The following DACH2 variants were observed in gnomAD, a reference collection of about 807,000 sequenced individuals.
DACH2 encodes the protein dachshund homolog 2.
A neutral mutation model predicts 35.8 loss-of-function variants in DACH2; 17 were observed. That is an observed-to-expected ratio of 0.48 (90% confidence interval 0.33 to 0.71). The LOEUF (loss-of-function observed/expected upper bound fraction) is 0.71, where lower values mean the gene tolerates loss of function less well. Among genes scored for constraint, DACH2 ranks in the 30% least tolerant of loss-of-function variants. The probability of loss-of-function intolerance (pLI) is 0.02; values close to 1 mark genes in which losing one functional copy is unlikely to be tolerated. For synonymous variants in DACH2, 195 were observed against 177.3 expected (o/e 1.10, Z -0.79); for missense variants, 469 against 472.7 (o/e 0.99, Z 0.07).
intron 2 of DACH2, among the ~76,000 whole-genome samples, chrX:86,463,396 A>C: frequency 9.0e-6 from 1 of 110,737 alleles, no homozygotes; most frequent in Middle Eastern, 4.6e-3. Flanking sequence ...CTGATTTTCA[A>C]CAAACCTGAC....
intron 1 of DACH2, among the ~76,000 whole-genome samples, chrX:86,347,706 T>G (rs983216174): frequency 5.3e-5 from 6 of 112,731 alleles, no homozygotes; most frequent in African/African-American, 1.9e-4. Flanking sequence ...TACAATTGGT[T>G]TAATAATTAA....
At chrX:86,584,423 C>CAA (rs1270994638) in intron 3 of DACH2, among the ~76,000 whole-genome samples, 1 of 110,611 alleles carries the variant, frequency 9.0e-6, no homozygotes, top group Non-Finnish European at 1.9e-5. Context: ...ACAGCTTTTG[C>CAA]ATTCATTGAT....
chrX:86,284,254 T>G (rs961173541), intron 1 of DACH2, among the ~76,000 whole-genome samples: 1 of 111,567 alleles, frequency 9.0e-6, no homozygotes, highest in Admixed American at 9.6e-5. Flanking sequence ...ATGGCTTATA[T>G]TATGTTCTTT....
intron 2 of DACH2, among the ~76,000 whole-genome samples, chrX:86,417,694 A>G (rs1022116657): frequency 9.0e-6 from 1 of 111,264 alleles, no homozygotes; most frequent in Non-Finnish European, 1.9e-5. Context: ...TTGGGTGGGG[A>G]CACATCCAAA....
intron 7 of DACH2, among the ~76,000 whole-genome samples, chrX:86,788,990 A>G (rs1238141502): frequency 1.8e-5 from 2 of 111,560 alleles, no homozygotes; most frequent in Non-Finnish European, 3.8e-5. Flanking sequence ...ACTTTTTGAG[A>G]ATTTCAAGAG....
intron 2 of DACH2, among the ~76,000 whole-genome samples, chrX:86,405,456 CA>C (rs1446001551): frequency 9.0e-6 from 1 of 111,611 alleles, no homozygotes; most frequent in African/African-American, 3.3e-5. Flanking sequence ...TAGTTCCCAA[CA>C]AGCTTTTCAT....
At chrX:86,640,761 C>T in intron 3 of DACH2, among the ~76,000 whole-genome samples, 1 of 111,315 alleles carries the variant, frequency 9.0e-6, no homozygotes, top group South Asian at 3.8e-4. Context: ...AGCCACACAA[C>T]CAAGCAAGGG....
chrX:86,264,209 G>A lies in DACH2; in HGVS notation c.489-112615G>A, dbSNP rs149686252. Among the ~76,000 whole-genome samples, 282 of 111,832 alleles carry A rather than the reference G, an allele frequency of 2.5e-3. 1 individual carries two copies. Among genetic ancestry groups the A allele is most frequent in the African/African-American group, 8.7e-3 (269 of 30,820 alleles). Reference sequence around the variant, plus strand: ...AGGGTTGAGCAAAACTAGCAAATTTGTAGGAAAAAAAGGTAAAATCAAATT... The same window carrying A: ...AGGGTTGAGCAAAACTAGCAAATTTATAGGAAAAAAAGGTAAAATCAAATT... On this transcript the variant is annotated intron_variant, in intron 1 of 11. Coordinates refer to ENST00000373125, the MANE Select transcript of DACH2 (RefSeq NM_053281.3).
chrX:86,481,515 C>A (rs2037935208), intron 2 of DACH2: 1 of 112,113 alleles, frequency 8.9e-6, no homozygotes. Flanking sequence ...TAGTTGTTAT[C>A]TGTATACCAA....
At chrX:86,795,460 C>T (rs1183198253) in intron 7 of DACH2, among the ~76,000 whole-genome samples, 2 of 110,214 alleles carry the variant, frequency 1.8e-5, no homozygotes, top group Non-Finnish European at 3.8e-5. Flanking sequence ...GTGTCGATCT[C>T]CTGACCTCAT....
intron 1 of DACH2, among the ~76,000 whole-genome samples, chrX:86,236,117 G>A (rs1457645505): frequency 2.2e-5 from 2 of 89,112 alleles, no homozygotes; most frequent in African/African-American, 4.6e-5. Context: ...GGGTGACAGA[G>A]CAAGGCTCCA....
intron 1 of DACH2, among the ~76,000 whole-genome samples, chrX:86,176,263 C>A (rs751987849): frequency 1.5e-4 from 17 of 110,542 alleles, no homozygotes; most frequent in Non-Finnish European, 2.1e-4. Flanking sequence ...CAAGAAGGGG[C>A]CAAAGGATTG....
intron 1 of DACH2, among the ~76,000 whole-genome samples, chrX:86,280,022 A>G (rs1269895043): frequency 9.0e-6 from 1 of 110,924 alleles, no homozygotes; most frequent in Non-Finnish European, 1.9e-5. Context: ...AAGCTGGAAA[A>G]CACTCTTCAG....
At chrX:86,190,710 C>A (rs1238734583) in intron 1 of DACH2, among the ~76,000 whole-genome samples, 1 of 111,470 alleles carries the variant, frequency 9.0e-6, no homozygotes, top group Non-Finnish European at 1.9e-5. Context: ...TTTGGGAGGC[C>A]AAGGTGGGTG....
At chrX:86,731,907 A>T (rs1308843118) in intron 6 of DACH2, among the ~76,000 whole-genome samples, 3 of 112,267 alleles carry the variant, frequency 2.7e-5, no homozygotes, top group African/African-American at 9.7e-5. Flanking sequence ...TGCATCTTAG[A>T]TGCATAGGAT....
intron 1 of DACH2, among the ~76,000 whole-genome samples, chrX:86,362,024 T>G (rs2148082930): frequency 9.0e-6 from 1 of 111,394 alleles, no homozygotes; most frequent in African/African-American, 3.2e-5. Context: ...GTAAATCTCT[T>G]TAATACCTAT....
chrX:86,306,239 A>G (rs1351285643), intron 1 of DACH2, among the ~76,000 whole-genome samples: 2 of 112,412 alleles, frequency 1.8e-5, no homozygotes, highest in Non-Finnish European at 3.8e-5. Context: ...TGTAGTATTT[A>G]TAAACAATGG....
intron 2 of DACH2, among the ~76,000 whole-genome samples, chrX:86,438,153 A>T: frequency 9.6e-6 from 1 of 104,043 alleles, no homozygotes; most frequent in African/African-American, 3.6e-5. Context: ...CTGTTCCTTC[A>T]TTAGTTTGCT....
intron 1 of DACH2, among the ~76,000 whole-genome samples, chrX:86,344,839 C>G (rs1205643621): frequency 8.9e-6 from 1 of 111,768 alleles, no homozygotes; most frequent in Non-Finnish European, 1.9e-5. Context: ...AACTTTCTCT[C>G]TGGTTAACTT....
Sources: gnomAD v4.1 joint callset for allele counts (sites outside exome capture counted in the v4.1 genomes callset) on GRCh38, gnomAD v4.1.1 for gene constraint, MANE v1.5 for transcripts, NCBI Gene and HGNC (gene_info 2026-07-23, HGNC 2026-07-21) for gene names.